Variants in PALM2AKAP2 observed in about 807,000 individuals in gnomAD.
The protein encoded by PALM2AKAP2 is PALM2-AKAP2 fusion protein.
Under a neutral mutation model 71.5 loss-of-function variants are expected in PALM2AKAP2, and 37 were observed. That is an observed-to-expected ratio of 0.52 (90% CI 0.40 to 0.68). The LOEUF (loss-of-function observed/expected upper bound fraction) is 0.68, where lower values mean the gene tolerates loss of function less well. PALM2AKAP2 is among the 30% of genes least tolerant of loss of function. PALM2AKAP2 has a pLI of 0.00. For synonymous variants in PALM2AKAP2, 468 were observed against 478.8 expected, an observed-to-expected ratio of 0.98 and a Z score of 0.29; for missense variants, 1,224 against 1,191.8, an observed-to-expected ratio of 1.03 and a Z score of -0.40.
intron 6 of PALM2AKAP2, among the ~76,000 whole-genome samples, chr9:110,001,734 C>T (rs1462334949): frequency 6.6e-6 from 1 of 152,112 alleles, no homozygotes; most frequent in African/African-American, 2.4e-5. Context: ...CTTCATGTCC[C>T]TTGTAAATTG....
At chr9:109,895,014 A>G (rs376866832) in intron 3 of PALM2AKAP2, among the ~76,000 whole-genome samples, 1 of 152,108 alleles carries the variant, frequency 6.6e-6, no homozygotes, top group East Asian at 1.9e-4. Flanking sequence ...CTATCCCCAC[A>G]CCACTTCCCA....
chr9:110,128,090 G>C (rs1296955867), intron 1 of PALM2AKAP2: 1 of 152,226 alleles, frequency 6.6e-6, no homozygotes, highest in East Asian at 1.9e-4. Flanking sequence ...GCCTCCCCCA[G>C]ACCTCCTGAC....
At chr9:110,036,095 G>A (rs1020050716) in intron 7 of PALM2AKAP2, among the ~76,000 whole-genome samples, 1 of 151,662 alleles carries the variant, frequency 6.6e-6, no homozygotes, top group East Asian at 1.9e-4. Context: ...CACCACGCCC[G>A]GCTAGTTTTT....
chr9:109,861,347 C>T (rs904050386), intron 1 of PALM2AKAP2, among the ~76,000 whole-genome samples: 2 of 152,148 alleles, frequency 1.3e-5, no homozygotes, highest in African/African-American at 4.8e-5. Context: ...CAGGTGCTTG[C>T]CATGTCTGTC....
At position 109,960,349 on chromosome 9, in the gene PALM2AKAP2, T is replaced by C. The variant is rs1484378393; in HGVS notation, c.496+28321T>C. 3.3e-5 allele frequency among the ~76,000 whole-genome samples: 5 copies of C among 152,362 alleles called. No individual in the cohort carries two copies. In the East Asian group the frequency reaches 7.7e-4, roughly 24 times the overall value. On this transcript the variant is annotated intron_variant, in intron 6 of 9. Transcript: ENST00000302798. ...ACGGCTGACCCTTCAGTGGGGCTCCTCTGTATTCATTGGATAAAATACTAA... is the reference window on the plus strand; with the variant it reads ...ACGGCTGACCCTTCAGTGGGGCTCCCCTGTATTCATTGGATAAAATACTAA...
chr9:109,871,461 T>C (rs1829600870), intron 2 of PALM2AKAP2, among the ~76,000 whole-genome samples: 1 of 152,184 alleles, frequency 6.6e-6, no homozygotes, highest in Non-Finnish European at 1.5e-5. Context: ...GCAATTTTTA[T>C]AGCTATATTA....
chr9:109,855,196 C>T (rs2795061), intron 1 of PALM2AKAP2, among the ~76,000 whole-genome samples: 40,379 of 152,004 alleles, frequency 0.27, 5,948 homozygotes, highest in Non-Finnish European at 0.31. Flanking sequence ...TTTCAGCCTC[C>T]TGAGTAGTTG....
chr9:109,983,398 C>A (rs1832312736), intron 6 of PALM2AKAP2, among the ~76,000 whole-genome samples: 1 of 152,144 alleles, frequency 6.6e-6, no homozygotes, highest in South Asian at 2.1e-4. Context: ...TGCTCTCTCT[C>A]TTCTTTTTCG....
intron 6 of PALM2AKAP2, among the ~76,000 whole-genome samples, chr9:110,007,924 G>T (rs77765116): frequency 1.3e-5 from 2 of 152,306 alleles, no homozygotes; most frequent in Non-Finnish European, 2.9e-5. Flanking sequence ...ACCCAGCAAG[G>T]CCTGTCTGTC....
chr9:110,129,437 C>T (rs1194681788), intron 1 of PALM2AKAP2, among the ~76,000 whole-genome samples: 2 of 152,196 alleles, frequency 1.3e-5, no homozygotes, highest in Non-Finnish European at 2.9e-5. Context: ...ATGAGAAGAA[C>T]CCACCTTCAA....
intron 1 of PALM2AKAP2, among the ~76,000 whole-genome samples, chr9:110,049,517 C>T (rs899929619): frequency 6.6e-6 from 1 of 152,102 alleles, no homozygotes; most frequent in African/African-American, 2.4e-5. Flanking sequence ...CGAGCTGAGC[C>T]AGAAGTTTGG....
At chr9:109,760,870 T>C (rs1829040471) in intron 1 of PALM2AKAP2, among the ~76,000 whole-genome samples, 1 of 152,242 alleles carries the variant, frequency 6.6e-6, no homozygotes, top group African/African-American at 2.4e-5. Flanking sequence ...TTTTTTCTCA[T>C]TTTTTAAAGT....
chr9:109,751,738 C>T (rs997880762), intron 1 of PALM2AKAP2, among the ~76,000 whole-genome samples: 7 of 152,100 alleles, frequency 4.6e-5, no homozygotes, highest in African/African-American at 1.4e-4. Flanking sequence ...AATTTCTGGC[C>T]GTTCAAAAAT....
chr9:109,729,446 A>G (rs913454676), intron 1 of PALM2AKAP2, among the ~76,000 whole-genome samples: 7 of 152,332 alleles, frequency 4.6e-5, no homozygotes, highest in African/African-American at 1.7e-4. Context: ...GGCAGTGGAC[A>G]TTAGATGATT....
At chr9:109,684,249 AC>A (rs1386672598) in intron 1 of PALM2AKAP2, among the ~76,000 whole-genome samples, 1 of 150,384 alleles carries the variant, frequency 6.6e-6, no homozygotes, top group Non-Finnish European at 1.5e-5. Flanking sequence ...GCCCTGATGA[AC>A]CCTCCTTGAG....
At chr9:109,909,927 G>A (rs1321028090) in intron 3 of PALM2AKAP2, among the ~76,000 whole-genome samples, 4 of 152,150 alleles carry the variant, frequency 2.6e-5, no homozygotes, top group Non-Finnish European at 5.9e-5. Flanking sequence ...GCCCATGAGG[G>A]GTTTTCAGCA....
intron 1 of PALM2AKAP2, among the ~76,000 whole-genome samples, chr9:110,102,454 TA>T (rs1835021663): frequency 6.6e-6 from 1 of 152,236 alleles, no homozygotes; most frequent in Non-Finnish European, 1.5e-5. Flanking sequence ...TTGTTTGTGT[TA>T]CCTCCAGAGC....
chr9:109,884,521 G>A (rs72753079), intron 3 of PALM2AKAP2, among the ~76,000 whole-genome samples: 11,009 of 152,114 alleles, frequency 0.072, 562 homozygotes, highest in South Asian at 0.18. Flanking sequence ...CAGAGAGAAA[G>A]GAAGAAGAGA....
chr9:109,915,848 C>T (rs1389890401), intron 3 of PALM2AKAP2, among the ~76,000 whole-genome samples: 2 of 152,020 alleles, frequency 1.3e-5, no homozygotes, highest in Non-Finnish European at 2.9e-5. Context: ...CAGACAAGAC[C>T]CTCTCCAAAC....
Sources: gnomAD v4.1 joint callset for allele counts (sites outside exome capture counted in the v4.1 genomes callset) on GRCh38, gnomAD v4.1.1 for gene constraint, MANE v1.5 for transcripts, NCBI Gene and HGNC (gene_info 2026-07-23, HGNC 2026-07-21) for gene names.